PRKCA: variants seen among roughly 807,000 people sequenced by gnomAD.
PRKCA encodes protein kinase C alpha.
A neutral mutation model predicts 87.0 loss-of-function variants in PRKCA; 27 were observed. That is an observed-to-expected ratio of 0.31 (90% confidence interval 0.23 to 0.43). PRKCA has a LOEUF of 0.43. Among genes scored for constraint, PRKCA ranks in the 20% least tolerant of loss-of-function variants. The pLI, the probability that PRKCA is intolerant of heterozygous loss-of-function variation, is 1.00. For synonymous variants in PRKCA, 329 were observed against 311.1 expected (o/e 1.06, Z -0.61); for missense variants, 518 against 852.3 (o/e 0.61, Z 4.88).
chr17:66,507,682 A>G (rs1186243947), intron 3 of PRKCA, among the ~76,000 whole-genome samples: 1 of 152,176 alleles, frequency 6.6e-6, no homozygotes, highest in Non-Finnish European at 1.5e-5. Flanking sequence ...GGGACTTTTC[A>G]GGACATTGGG....
Position 66,445,186 on chromosome 17 carries a change from GTC to G in PRKCA, c.206-51009_206-51008del, listed in dbSNP as rs560663770. Among the ~76,000 whole-genome samples the G allele has an allele frequency of 2.3e-3, 348 of 152,306 alleles. 1 individual carries two copies. The highest frequency in any genetic ancestry group is 3.4e-3 in the Middle Eastern group (1 of 294). ...ACTTCTGAATAAAGCCTGTGTCACT[GTC>G]TCTCTGGTTCCCTTCAGCGGGAGCT... On this transcript the variant is annotated intron_variant, in intron 2 of 16. Coordinates refer to ENST00000413366, the MANE Select transcript of PRKCA (RefSeq NM_002737.3).
intron 3 of PRKCA, among the ~76,000 whole-genome samples, chr17:66,556,179 C>A (rs945713596): frequency 7.2e-5 from 11 of 151,942 alleles, no homozygotes; most frequent in Non-Finnish European, 1.6e-4. Context: ...CACATTTGGG[C>A]CTTTCACTGA....
chr17:66,736,799 A>G (rs992989659), intron 10 of PRKCA, among the ~76,000 whole-genome samples: 2 of 152,192 alleles, frequency 1.3e-5, no homozygotes, highest in East Asian at 3.9e-4. Flanking sequence ...CAAATTTTAA[A>G]TTTCAGCATC....
intron 13 of PRKCA, among the ~76,000 whole-genome samples, chr17:66,746,946 T>C (rs1268759639): frequency 1.3e-5 from 2 of 152,174 alleles, no homozygotes; most frequent in Admixed American, 1.3e-4. Context: ...GACACTAGCA[T>C]TGCGCACTCT....
intron 14 of PRKCA, among the ~76,000 whole-genome samples, chr17:66,783,456 T>A (rs1483397417): frequency 6.6e-6 from 1 of 152,164 alleles, no homozygotes; most frequent in African/African-American, 2.4e-5. Context: ...CAGAGAAGAC[T>A]TGACAGTAAA....
chr17:66,467,187 C>T (rs982836963), intron 2 of PRKCA, among the ~76,000 whole-genome samples: 4 of 152,126 alleles, frequency 2.6e-5, no homozygotes, highest in South Asian at 2.1e-4. Flanking sequence ...TGGTTTGTAT[C>T]GTGGCTTACA....
At chr17:66,725,228 A>G (rs1427597253) in intron 8 of PRKCA, among the ~76,000 whole-genome samples, 1 of 152,058 alleles carries the variant, frequency 6.6e-6, no homozygotes, top group Non-Finnish European at 1.5e-5. Context: ...TGAAGGTGCA[A>G]ATGCATGGAG....
chr17:66,756,022 C>T (rs182971534), intron 13 of PRKCA, among the ~76,000 whole-genome samples: 206 of 152,292 alleles, frequency 1.4e-3, no homozygotes, highest in Non-Finnish European at 2.4e-3. Context: ...GATCCGTAAT[C>T]GGCAAATTGC....
chr17:66,770,618 A>G (rs955933616), intron 13 of PRKCA, among the ~76,000 whole-genome samples: 3 of 152,342 alleles, frequency 2.0e-5, no homozygotes, highest in African/African-American at 7.2e-5. Flanking sequence ...TCCTAAAATT[A>G]ATATAGCACC....
chr17:66,524,509 G>A (rs982255485), intron 3 of PRKCA, among the ~76,000 whole-genome samples: 7 of 152,182 alleles, frequency 4.6e-5, no homozygotes, highest in African/African-American at 1.2e-4. Context: ...TGACCCATAT[G>A]TACAGTTAGT....
intron 16 of PRKCA, among the ~76,000 whole-genome samples, chr17:66,795,577 T>C (rs1975645402): frequency 1.3e-5 from 2 of 152,166 alleles, no homozygotes; most frequent in African/African-American, 4.8e-5. Context: ...AGCAGAGAAA[T>C]TGGAAGAAAT....
chr17:66,789,587 T>C (rs1334391822), intron 16 of PRKCA, among the ~76,000 whole-genome samples: 2 of 152,262 alleles, frequency 1.3e-5, no homozygotes, highest in Non-Finnish European at 2.9e-5. Context: ...GGCCCTGTTC[T>C]GAGTGCCTTA....
chr17:66,376,626 A>AT, intron 2 of PRKCA, among the ~76,000 whole-genome samples: 1 of 151,996 alleles, frequency 6.6e-6, no homozygotes, highest in East Asian at 1.9e-4. Context: ...CTCAAAAAAA[A>AT]AAAAATTGAA....
At chr17:66,330,894 A>G (rs1906285424) in intron 2 of PRKCA, among the ~76,000 whole-genome samples, 1 of 152,220 alleles carries the variant, frequency 6.6e-6, no homozygotes, top group South Asian at 2.1e-4. Flanking sequence ...CATGCCTGCT[A>G]GTACATTCAC....
chr17:66,619,847 A>T (rs1295784101), intron 3 of PRKCA, among the ~76,000 whole-genome samples: 1 of 152,228 alleles, frequency 6.6e-6, no homozygotes, highest in Non-Finnish European at 1.5e-5. Flanking sequence ...CCAGAAGACT[A>T]TCTGGAAGTC....
intron 3 of PRKCA, among the ~76,000 whole-genome samples, chr17:66,590,889 C>G (rs1291200899): frequency 6.6e-6 from 1 of 152,020 alleles, no homozygotes; most frequent in Non-Finnish European, 1.5e-5. Flanking sequence ...AATGAGACCT[C>G]CCTTCTGAAC....
chr17:66,388,296 CTT>C (rs113272101), intron 2 of PRKCA, among the ~76,000 whole-genome samples: 5 of 148,084 alleles, frequency 3.4e-5, no homozygotes, highest in Non-Finnish European at 6.0e-5. Context: ...ATACTTACCT[CTT>C]TTTTTTTTTC....
At chr17:66,430,462 G>T (rs1913042024) in intron 2 of PRKCA, among the ~76,000 whole-genome samples, 1 of 149,534 alleles carries the variant, frequency 6.7e-6, no homozygotes, top group African/African-American at 2.4e-5. Context: ...CCTGTGCTTG[G>T]GTTCGTGGTA....
At chr17:66,458,142 A>T (rs752579563) in intron 2 of PRKCA, among the ~76,000 whole-genome samples, 15 of 152,206 alleles carry the variant, frequency 9.9e-5, no homozygotes, top group Non-Finnish European at 1.2e-4. Flanking sequence ...CACTTAGTGG[A>T]TGAGGGTATA....
Sources: gnomAD v4.1 joint callset for allele counts (sites outside exome capture counted in the v4.1 genomes callset) on GRCh38, gnomAD v4.1.1 for gene constraint, MANE v1.5 for transcripts, NCBI Gene and HGNC (gene_info 2026-07-23, HGNC 2026-07-21) for gene names.